Variants in DCC observed in about 807,000 individuals in gnomAD.
DCC encodes the protein DCC netrin 1 receptor, also known as netrin receptor DCC.
DCC carries 58 observed loss-of-function variants against 172.5 expected under a neutral mutation model. The ratio of observed to expected loss-of-function variants is 0.34; its 90% confidence interval spans 0.27 to 0.42. DCC has a LOEUF of 0.42. Ranked by LOEUF, DCC falls within the 10% of genes least tolerant of loss-of-function variation. The probability of loss-of-function intolerance (pLI) is 1.00; values close to 1 mark genes in which losing one functional copy is unlikely to be tolerated. For synonymous variants in DCC, 709 were observed against 644.5 expected, an observed-to-expected ratio of 1.10 and a Z score of -1.52; for missense variants, 1,740 against 1,791.0, an observed-to-expected ratio of 0.97 and a Z score of 0.51.
chr18:52,881,218 A>G (rs73458919), intron 2 of DCC, among the ~76,000 whole-genome samples: 10,410 of 152,110 alleles, frequency 0.068, 505 homozygotes, highest in South Asian at 0.14. Flanking sequence ...ACTTTTTCCT[A>G]TAAGATGTTT....
chr18:53,512,880 A>C (rs2046275501), intron 27 of DCC, among the ~76,000 whole-genome samples: 1 of 152,188 alleles, frequency 6.6e-6, no homozygotes, highest in South Asian at 2.1e-4. Context: ...AAGTTGGGAA[A>C]CACTCTGCAG....
intron 2 of DCC, among the ~76,000 whole-genome samples, chr18:52,763,040 C>T (rs754740131): frequency 2.2e-4 from 33 of 152,290 alleles, no homozygotes; most frequent in Non-Finnish European, 4.3e-4. Flanking sequence ...GCTTCTGTAT[C>T]TTCAATCTAC....
chr18:53,333,715 T>G (rs749593520), intron 14 of DCC, among the ~76,000 whole-genome samples: 6 of 152,192 alleles, frequency 3.9e-5, no homozygotes, highest in Non-Finnish European at 4.4e-5. Flanking sequence ...TGAGAACACC[T>G]TGGGGGGTTT....
intron 5 of DCC, among the ~76,000 whole-genome samples, chr18:52,934,435 A>T (rs2040353157): frequency 6.6e-6 from 1 of 152,152 alleles, no homozygotes; most frequent in Non-Finnish European, 1.5e-5. Flanking sequence ...GAAACTTAAA[A>T]ACAGAAGCCA....
intron 2 of DCC, among the ~76,000 whole-genome samples, chr18:52,772,349 G>A (rs1434390774): frequency 6.6e-6 from 1 of 152,176 alleles, no homozygotes; most frequent in Non-Finnish European, 1.5e-5. Flanking sequence ...TGGGGCACCA[G>A]CAATTTATTT....
chr18:52,955,419 A>G (rs1950189381), intron 5 of DCC, among the ~76,000 whole-genome samples: 1 of 152,032 alleles, frequency 6.6e-6, no homozygotes, highest in South Asian at 2.1e-4. Flanking sequence ...TCCACTGTCA[A>G]GATTTACCAG....
At chr18:52,907,381 A>G (rs553689688) in intron 3 of DCC, among the ~76,000 whole-genome samples, 2 of 145,540 alleles carry the variant, frequency 1.4e-5, no homozygotes, top group Non-Finnish European at 3.0e-5. Context: ...TCATATATGC[A>G]TGATATATGT....
At chr18:53,195,874 A>G (rs976079174) in intron 9 of DCC, among the ~76,000 whole-genome samples, 1 of 152,170 alleles carries the variant, frequency 6.6e-6, no homozygotes, top group Non-Finnish European at 1.5e-5. Context: ...TTGATTATAT[A>G]TGATATATTG....
At chr18:53,420,701 C>A (rs573472384) in intron 21 of DCC, among the ~76,000 whole-genome samples, 3 of 152,082 alleles carry the variant, frequency 2.0e-5, no homozygotes, top group Non-Finnish European at 4.4e-5. Flanking sequence ...TTTCATTTAA[C>A]CTTATGATTT....
rs76665445 is a variant in DCC, at chr18:52,739,189, C to T, written c.92-12865C>T. Among the ~76,000 whole-genome samples the T allele has an allele frequency of 2.9e-3, 439 of 152,200 alleles. 6 individuals are homozygous for T. Among genetic ancestry groups the T allele is most frequent in the African/African-American group, 9.8e-3 (405 of 41,518 alleles). ...TAAGACCACTGTCATACATGCAGTC[C>T]GTCATTAACCAAAACATTATTATGC... On this transcript the variant is annotated intron_variant, in intron 1 of 28. Transcript: ENST00000442544.
chr18:53,121,318 G>A (rs1364786831), intron 7 of DCC, among the ~76,000 whole-genome samples: 7 of 151,886 alleles, frequency 4.6e-5, no homozygotes, highest in Non-Finnish European at 1.0e-4. Flanking sequence ...TGTAAACTGT[G>A]AAATACTGTA....
At chr18:52,840,086 G>A (rs1232322166) in intron 2 of DCC, among the ~76,000 whole-genome samples, 1 of 152,104 alleles carries the variant, frequency 6.6e-6, no homozygotes, top group Non-Finnish European at 1.5e-5. Flanking sequence ...AAGGCTCCCA[G>A]GGGGTGCAGA....
At chr18:53,445,058 T>TA (rs1475512490) in intron 22 of DCC, among the ~76,000 whole-genome samples, 1 of 152,206 alleles carries the variant, frequency 6.6e-6, no homozygotes, top group African/African-American at 2.4e-5. Context: ...CAAATTTTTT[T>TA]AAAATAAATA....
At chr18:53,530,283 A>G (rs2046511161) in intron 28 of DCC, 2 of 701,310 alleles carry the variant, frequency 2.9e-6, no homozygotes, top group Admixed American at 2.0e-5. Flanking sequence ...CACACAGCTA[A>G]TAATTGGGAG....
In DCC at chr18:53,101,453, C is replaced by T. The variant is rs113413062; in HGVS notation, c.1261+35287C>T. On this transcript the variant is annotated intron_variant, in intron 7 of 28. Transcript: ENST00000442544. ...AGCAGACCTTGGGACCCTTTAACAGCGGTGCTAACCCAAAATATTTTTAGG... is the reference window on the plus strand; with the variant it reads ...AGCAGACCTTGGGACCCTTTAACAGTGGTGCTAACCCAAAATATTTTTAGG... Among the ~76,000 whole-genome samples the T allele has an allele frequency of 1.0e-2, 1,519 of 152,008 alleles. 34 individuals are homozygous for T. Among genetic ancestry groups the T allele is most frequent in the African/African-American group, 0.033 (1,368 of 41,480 alleles).
chr18:52,776,294 A>T (rs1290157726), intron 2 of DCC, among the ~76,000 whole-genome samples: 1 of 152,054 alleles, frequency 6.6e-6, no homozygotes, highest in African/African-American at 2.4e-5. Flanking sequence ...CAAAAGAAGA[A>T]CAAAAATGAG....
chr18:53,103,083 T>TGAATTCATTCATTC (rs2043196122), intron 7 of DCC, among the ~76,000 whole-genome samples: 1 of 152,116 alleles, frequency 6.6e-6, no homozygotes, highest in Non-Finnish European at 1.5e-5. Context: ...CCCATTCATT[T>TGAATTCATTCATTC]ATGAATTCAT....
intron 1 of DCC, among the ~76,000 whole-genome samples, chr18:52,570,205 C>T (rs2033260996): frequency 6.6e-6 from 1 of 152,108 alleles, no homozygotes; most frequent in African/African-American, 2.4e-5. Context: ...TTGAAGTAGC[C>T]GTAATTACAC....
At chr18:52,445,455 A>G (rs1187257230) in intron 1 of DCC, among the ~76,000 whole-genome samples, 1 of 152,190 alleles carries the variant, frequency 6.6e-6, no homozygotes, top group African/African-American at 2.4e-5. Context: ...AAACACTGTA[A>G]CAAAATTTAA....
Sources: gnomAD v4.1 joint callset for allele counts (sites outside exome capture counted in the v4.1 genomes callset) on GRCh38, gnomAD v4.1.1 for gene constraint, MANE v1.5 for transcripts, NCBI Gene and HGNC (gene_info 2026-07-23, HGNC 2026-07-21) for gene names.